HLA-G: variants seen among roughly 807,000 people sequenced by gnomAD.
The protein encoded by HLA-G is major histocompatibility complex, class I, G.
A neutral mutation model predicts 39.3 loss-of-function variants in HLA-G; 34 were observed. That is an observed-to-expected ratio of 0.86 (90% CI 0.66 to 1.15). The LOEUF (loss-of-function observed/expected upper bound fraction) is 1.15. HLA-G is among the 50% of genes most tolerant of loss of function. HLA-G has a pLI of 0.00. For missense variants in HLA-G, 419 were observed against 456.4 expected (o/e 0.92, Z 0.75); for synonymous variants, 183 against 185.8 (o/e 0.99, Z 0.12).
intron 3 of HLA-G, 57 bp from the exon 4 acceptor site, chr6:29,829,361 G>A (rs1761038464): frequency 3.2e-6 from 5 of 1,566,604 alleles, no homozygotes; most frequent in East Asian, 2.2e-5. Flanking sequence ...TCCAGGTGCT[G>A]CTGGAGTGTC....
At position 29,829,835 on chromosome 6, in the gene HLA-G, C is replaced by T. The variant is rs1262468150; in HGVS notation, c.915C>T (p.Thr305=). 1.9e-6 allele frequency: 3 copies of T among 1,613,606 alleles called. No homozygotes were observed. The highest frequency in any genetic ancestry group is 1.7e-6 in the Non-Finnish European group (2 of 1,179,778). The change falls in exon 5 of 7, where the codon ACC becomes ACT. Residue 305 remains threonine (T), a synonymous_variant. Transcript: ENST00000360323. ...MLRWKQSSLP[T]IPIMGIVAGL... is the part of the protein sequence containing the mutation. ...TCCCAGAGCAGTCTTCCCTGCCCACCATCCCCATCATGGGTATCGTTGCTG... is the reference window on the plus strand; with the variant it reads ...TCCCAGAGCAGTCTTCCCTGCCCACTATCCCCATCATGGGTATCGTTGCTG...
At position 29,828,081 on chromosome 6, in the gene HLA-G, G is replaced by C. The variant is rs557839953; in HGVS notation, c.108G>C (p.Val36=). 7 of 1,612,082 alleles carry C rather than the reference G, an allele frequency of 4.3e-6. No homozygotes were observed. In the Admixed American group the frequency reaches 8.3e-5, roughly 19 times the overall value. The part of the protein sequence containing the change: ...SHSMRYFSAA[V]SRPGRGEPRF... ...CCATGAGGTATTTCAGCGCCGCCGT[G>C]TCCCGGCCCGGCCGCGGGGAGCCCC... Residue 36 remains valine (V), a synonymous_variant, in exon 2 of 7, where the codon GTG becomes GTC. Transcript: ENST00000360323.
At chr6:29,827,776 G>C, upstream of HLA-G, 1 of 1,474,508 alleles carries the variant, frequency 6.8e-7, no homozygotes, top group Non-Finnish European at 9.5e-7. Context: ...AAGCCAATCA[G>C]CGTCGCCGCG....
chr6:29,828,686 G>T lies in HLA-G; in HGVS notation c.487G>T (p.Ala163Ser), dbSNP rs770423861. ...DLRSWTAADTAAQISKRKCEA... is the reference protein window; with the variant it reads ...DLRSWTAADTSAQISKRKCEA... Reference sequence around the variant, plus strand: ...GCGCTCCTGGACCGCAGCGGACACTGCGGCTCAGATCTCCAAGCGCAAGTG... The same window carrying T: ...GCGCTCCTGGACCGCAGCGGACACTTCGGCTCAGATCTCCAAGCGCAAGTG... The change falls in exon 3 of 7, where the codon GCG becomes TCG. Residue 163 changes from alanine (A) to serine (S), a missense_variant. Transcript: ENST00000360323. 6.2e-7 allele frequency: 1 copy of T among 1,613,656 alleles called. No individual in the cohort carries two copies. The highest frequency in any genetic ancestry group is 1.1e-5 in the South Asian group (1 of 91,090).
rs1275022648 is a variant in HLA-G, at chr6:29,828,176, G to A, written c.203G>A (p.Arg68Lys). ...TTCGACAGCGACTCGGCGTGTCCGA[G>A]GATGGAGCCGCGGGCGCCGTGGGTG... ...VRFDSDSACP[R>K]MEPRAPWVEQ... is the part of the protein sequence containing the mutation. The change falls in exon 2 of 7, where the codon AGG (arginine) becomes AAG (lysine). Residue 68 changes from arginine to lysine, a missense_variant. Coordinates refer to ENST00000360323, the MANE Select transcript of HLA-G (RefSeq NM_001384290.1). The A allele has an allele frequency of 6.2e-7, 1 of 1,613,402 alleles. No homozygotes were observed. Among genetic ancestry groups the A allele is most frequent in the African/African-American group, 1.3e-5 (1 of 75,048 alleles).
intron 6 of HLA-G, 140 bp downstream of exon 6, chr6:29,830,550 TAGGCA>T (rs1761185479): frequency 1.2e-6 from 1 of 835,752 alleles, no homozygotes; most frequent in African/African-American, 1.7e-5. Flanking sequence ...TGTTCTACTC[TAGGCA>T]GTGACAGTGC....
At chr6:29,827,765 G>A, upstream of HLA-G, 1 of 1,409,834 alleles carries the variant, frequency 7.1e-7, no homozygotes, top group Non-Finnish European at 1.0e-6. Context: ...GGTTTTTAGA[G>A]AAGCCAATCA....
chr6:29,829,071 G>A (rs905478647), intron 3 of HLA-G, among the ~76,000 whole-genome samples: 1 of 151,928 alleles, frequency 6.6e-6, no homozygotes, highest in Non-Finnish European at 1.5e-5. Flanking sequence ...AGACTGATCA[G>A]GGGTTCCCTT....
Position 29,828,277 on chromosome 6 carries a change from C to A in HLA-G, c.304C>A (p.Leu102Met). Residue 102 changes from leucine to methionine, a missense_variant, in exon 2 of 7, where the codon CTG (leucine) becomes ATG (methionine). Physicochemically the swap from Leu to Met is conservative, Grantham distance 15 (BLOSUM62 2). Transcript: ENST00000360323. ...KAHAQTDRMN[L>M]QTLRGYYNQS... ...CCACGCACAGACTGACAGAATGAAC[C>A]TGCAGACCCTGCGCGGCTACTACAA... 1 of 1,613,480 alleles carries A rather than the reference C, an allele frequency of 6.2e-7. No homozygotes were observed. Among genetic ancestry groups the A allele is most frequent in the South Asian group, 1.1e-5 (1 of 91,060 alleles).
intron 2 of HLA-G, 112 bp downstream of exon 2, chr6:29,828,428 C>T (rs1488629179): frequency 6.5e-7 from 1 of 1,545,614 alleles, no homozygotes; most frequent in South Asian, 1.2e-5. Flanking sequence ...GCCGCGGGAC[C>T]CGCCCAGACC....
chr6:29,828,112 A>G lies in HLA-G; in HGVS notation c.139A>G (p.Ile47Val), dbSNP rs1259830650. The G allele has an allele frequency of 1.2e-6, 2 of 1,612,944 alleles. No individual in the cohort carries two copies. Among genetic ancestry groups the G allele is most frequent in the Non-Finnish European group, 1.7e-6 (2 of 1,179,770 alleles). ...GCCCGGCCGCGGGGAGCCCCGCTTC[A>G]TCGCCATGGGCTACGTGGACGACAC... ...SRPGRGEPRF[I>V]AMGYVDDTQF... The change falls in exon 2 of 7, where the codon ATC becomes GTC. Residue 47 changes from isoleucine (I) to valine (V), a missense_variant. Ile to Val is a conservative substitution (Grantham distance 29). Around this residue, in one of 2 missense-constraint regions of HLA-G, gnomAD observed 91 missense variants for 133.4 expected, o/e 0.68. Transcript: ENST00000360323.
chr6:29,829,502 C>T lies in HLA-G; in HGVS notation c.704C>T (p.Ala235Val), dbSNP rs147620137. 6.2e-5 allele frequency: 100 copies of T among 1,613,686 alleles called. No homozygotes were observed. In the African/African-American group the frequency reaches 1.2e-3, roughly 19 times the overall value. ...LRCWALGFYP[A>V]EIILTWQRDG... ...TGCTGGGCCCTGGGCTTCTACCCTG[C>T]GGAGATCATACTGACCTGGCAGCGG... is the stretch of plus-strand genomic sequence containing the variant. The change falls in exon 4 of 7, where the codon GCG becomes GTG. Residue 235 changes from alanine to valine, a missense_variant. Ala to Val is a moderately conservative substitution (Grantham distance 64). This residue lies in a region of HLA-G where 328 missense variants were observed against 323.0 expected (regional missense o/e 1.02). Transcript: ENST00000360323.
Position 29,828,033 on chromosome 6 carries a change from C to G in HLA-G, c.74-14C>G, listed in dbSNP as rs753020616. 3 of 1,608,828 alleles carry G rather than the reference C, an allele frequency of 1.9e-6. No individual in the cohort carries two copies. The African/African-American group carries it at 4.0e-5, about 22-fold the overall frequency. On this transcript the variant is annotated splice_polypyrimidine_tract_variant and intron_variant, in intron 1 of 6. Coordinates refer to ENST00000360323, the MANE Select transcript of HLA-G (RefSeq NM_001384290.1). ...AGGAGGGTCGGGCGGGTCTCAACCC[C>G]TCCTCGCCCCCAGGCTCCCACTCCA...
chr6:29,829,205 A>G (rs967683300), intron 3 of HLA-G, among the ~76,000 whole-genome samples: 18 of 151,990 alleles, frequency 1.2e-4, no homozygotes, highest in African/African-American at 4.3e-4. Flanking sequence ...CTCAGGTCAG[A>G]ACCGGAGGTC....
chr6:29,827,785 C>A, upstream of HLA-G: 2 of 1,519,728 alleles, frequency 1.3e-6, no homozygotes, highest in Non-Finnish European at 1.8e-6. Flanking sequence ...AGCGTCGCCG[C>A]GGTCCTGGTT....
At chr6:29,828,392 T>A in intron 2 of HLA-G, 76 bp downstream of exon 2, 1 of 1,556,904 alleles carries the variant, frequency 6.4e-7, no homozygotes, top group Non-Finnish European at 8.7e-7. Context: ...TACTCCCGAG[T>A]CTCCGGGTCT....
At chr6:29,827,818 C>T, upstream of HLA-G, 18 of 1,604,434 alleles carry the variant, frequency 1.1e-5, no homozygotes, top group Non-Finnish European at 1.5e-5. Flanking sequence ...CTCACCCACC[C>T]GGACTCATTC....
chr6:29,827,909 C>A lies in HLA-G; in HGVS notation c.65C>A (p.Thr22Asn). Residue 22 changes from threonine (T) to asparagine (N), a missense_variant, in exon 1 of 7, where the codon ACC becomes AAC. Transcript: ENST00000360323. ...TCGGGGGCCCTGACCCTGACCGAGA[C>A]CTGGGCGGGTGAGTGCGGGGTCAGG... ...LLSGALTLTETWAGSHSMRYF... is the reference protein window; with the variant it reads ...LLSGALTLTENWAGSHSMRYF... 6.2e-7 allele frequency: 1 copy of A among 1,611,720 alleles called. No homozygotes were observed.
chr6:29,828,338 A>G, intron 2 of HLA-G, 22 bp downstream of exon 2: 1 of 1,598,888 alleles, frequency 6.3e-7, no homozygotes, highest in Non-Finnish European at 8.5e-7. Flanking sequence ...CGGCCCAGGG[A>G]GCAGATCACG....
Sources: allele counts gnomAD v4.1 joint callset (sites outside exome capture counted in the v4.1 genomes callset), GRCh38; gene constraint gnomAD v4.1.1; regional missense constraint gnomAD v4.1.1; transcripts MANE v1.5; gene names NCBI Gene and HGNC (gene_info 2026-07-23, HGNC 2026-07-21).